The following ZBBX variants were observed in gnomAD, a reference collection of about 807,000 sequenced individuals.
ZBBX encodes the protein zinc finger B-box domain containing.
In ZBBX, 101 loss-of-function variants were observed where a neutral mutation model predicts 108.5. The ratio of observed to expected loss-of-function variants is 0.93; its 90% confidence interval spans 0.79 to 1.10. The LOEUF is 1.10. Ranked by LOEUF, ZBBX falls within the 50% of genes least tolerant of loss-of-function variation. The pLI is 0.00. For missense variants in ZBBX, 1,009 were observed against 941.4 expected, an observed-to-expected ratio of 1.07 and a Z score of -0.94; for synonymous variants, 356 against 323.4, an observed-to-expected ratio of 1.10 and a Z score of -1.08.
At chr3:167,324,243 C>A (rs994376338) in intron 11 of ZBBX, among the ~76,000 whole-genome samples, 10 of 151,934 alleles carry the variant, frequency 6.6e-5, no homozygotes, top group African/African-American at 2.2e-4. Context: ...ATTCTGAGCT[C>A]AGGTAATTGT....
the ZBBX span, among the ~76,000 whole-genome samples, chr3:167,183,805 C>T: frequency 2.6e-5 from 4 of 152,128 alleles, no homozygotes; most frequent in Non-Finnish European, 5.9e-5. Flanking sequence ...TCAGGATGGG[C>T]ATCATAGCCA....
intron 1 of ZBBX, chr3:167,399,514 A>G (rs1748351416): frequency 6.6e-6 from 1 of 152,154 alleles, no homozygotes; most frequent in Non-Finnish European, 1.5e-5. Flanking sequence ...AAGAGCATCA[A>G]GAAAATCTGA....
chr3:167,330,920 T>C lies in ZBBX; in HGVS notation c.688-2804A>G, dbSNP rs1268416084. Among the ~76,000 whole-genome samples the C allele has an allele frequency of 1.5e-4, 4 of 26,536 alleles. 1 individual carries two copies. Among genetic ancestry groups the C allele is most frequent in the Non-Finnish European group, 3.8e-4 (4 of 10,476 alleles). 17.4% of individuals were successfully genotyped at this position (26,536 alleles called of 152,430 possible). On this transcript the variant is annotated intron_variant, in intron 10 of 21. Transcript: ENST00000675490. ...AAGAAGAAGAAGAAGAGGCATCATA[T>C]ATCTCTTCTCTCTCCTCTCTTTCTT... is the stretch of plus-strand genomic sequence containing the variant.
intron 1 of ZBBX, among the ~76,000 whole-genome samples, chr3:167,400,611 TAA>T (rs2108642877): frequency 6.6e-6 from 1 of 152,192 alleles, no homozygotes; most frequent in African/African-American, 2.4e-5. Flanking sequence ...TCCAAATATA[TAA>T]GACAGGTATC....
At chr3:167,399,491 G>A (rs1748350525) in intron 1 of ZBBX, 1 of 152,198 alleles carries the variant, frequency 6.6e-6, no homozygotes, top group African/African-American at 2.4e-5. Context: ...CTGTTATGTG[G>A]TAGGTACTCT....
chr3:167,193,379 T>C, the ZBBX span, among the ~76,000 whole-genome samples: 1 of 152,166 alleles, frequency 6.6e-6, no homozygotes. Flanking sequence ...TGAACAGCCA[T>C]TCTGATTTTT....
chr3:167,320,880 G>A (rs1315945531), intron 12 of ZBBX, among the ~76,000 whole-genome samples: 1 of 151,868 alleles, frequency 6.6e-6, no homozygotes, highest in East Asian at 1.9e-4. Flanking sequence ...CTCTTCAAAA[G>A]TGTTAAGGTC....
intron 20 of ZBBX, among the ~76,000 whole-genome samples, chr3:167,248,110 C>G (rs1721909448): frequency 6.6e-6 from 1 of 152,182 alleles, no homozygotes; most frequent in African/African-American, 2.4e-5. Flanking sequence ...ATGCCTCCAC[C>G]TTAACAGCCA....
In ZBBX at chr3:167,240,096, C is replaced by T. The variant is rs534357286; in HGVS notation, c.*697G>A. On this transcript the variant is annotated 3_prime_UTR_variant, in exon 22 of 22. Transcript: ENST00000675490. ...TTCCCACCAGGTCCCTCCCAGGACA[C>T]CTGGAGATTATAGAAACTACAATTC... Among the ~76,000 whole-genome samples the T allele has an allele frequency of 9.2e-5, 14 of 152,186 alleles. No homozygotes were observed. The highest frequency in any genetic ancestry group is 7.9e-4 in the Admixed American group (12 of 15,282).
At chr3:167,363,240 G>A (rs1452586343) in intron 6 of ZBBX, among the ~76,000 whole-genome samples, 2 of 151,862 alleles carry the variant, frequency 1.3e-5, no homozygotes, top group Admixed American at 6.6e-5. Flanking sequence ...TGGGCTATAT[G>A]GCTCTTTGGC....
At chr3:167,230,619 T>A in the ZBBX span, among the ~76,000 whole-genome samples, 44 of 151,740 alleles carry the variant, frequency 2.9e-4, no homozygotes, top group Non-Finnish European at 3.5e-4. Context: ...GTAAAGGTCC[T>A]GAAGCTAGAA....
At chr3:167,286,533 G>T (rs4425256) in intron 19 of ZBBX, among the ~76,000 whole-genome samples, 2,460 of 152,186 alleles carry the variant, frequency 0.016, 23 homozygotes, top group Non-Finnish European at 0.026. Flanking sequence ...ACATGATTTT[G>T]GGAGAAGTAA....
At chr3:167,337,954 G>A (rs1739857803) in intron 9 of ZBBX, among the ~76,000 whole-genome samples, 1 of 152,108 alleles carries the variant, frequency 6.6e-6, no homozygotes, top group Admixed American at 6.6e-5. Flanking sequence ...AAATTTAAAT[G>A]TGAAGTATTA....
chr3:167,259,919 T>C (rs926613228), intron 20 of ZBBX, among the ~76,000 whole-genome samples: 1 of 152,202 alleles, frequency 6.6e-6, no homozygotes, highest in Non-Finnish European at 1.5e-5. Context: ...ATTTTTGTTT[T>C]ATAAGTCCTG....
At chr3:167,318,781 CA>C (rs1012186714) in intron 12 of ZBBX, among the ~76,000 whole-genome samples, 109 of 151,178 alleles carry the variant, frequency 7.2e-4, no homozygotes, top group African/African-American at 2.4e-3. Flanking sequence ...CAGTACCCCC[CA>C]AAAAAAATAG....
chr3:167,223,732 A>G, the ZBBX span, among the ~76,000 whole-genome samples: 1 of 151,926 alleles, frequency 6.6e-6, no homozygotes, highest in Non-Finnish European at 1.5e-5. Flanking sequence ...TCATTATTTT[A>G]TGTTTTTTCT....
chr3:167,315,720 T>A, intron 15 of ZBBX, 30 bp downstream of exon 15: 7 of 1,525,072 alleles, frequency 4.6e-6, no homozygotes, highest in Non-Finnish European at 6.3e-6. Context: ...GGGCTCAATA[T>A]GCACACAAAG....
intron 16 of ZBBX, among the ~76,000 whole-genome samples, chr3:167,312,405 A>C (rs1361951640): frequency 1.7e-4 from 26 of 152,178 alleles, no homozygotes; most frequent in Admixed American, 1.6e-3. Context: ...GTACAATACC[A>C]AGAGTGAACT....
At chr3:167,283,212 G>C (rs930053036) in intron 19 of ZBBX, among the ~76,000 whole-genome samples, 6 of 151,990 alleles carry the variant, frequency 3.9e-5, no homozygotes, top group Non-Finnish European at 5.9e-5. Context: ...CAACATGTTT[G>C]CTCCTTTAAC....
Sources: gnomAD v4.1 joint callset for allele counts (sites outside exome capture counted in the v4.1 genomes callset) on GRCh38, gnomAD v4.1.1 for gene constraint, MANE v1.5 for transcripts, NCBI Gene and HGNC (gene_info 2026-07-23, HGNC 2026-07-21) for gene names.